Variants in BDH2 observed in about 807,000 individuals in gnomAD.
BDH2 encodes dehydrogenase/reductase SDR family member 6.
In BDH2, 24 loss-of-function variants were observed where a neutral mutation model predicts 33.2. The ratio of observed to expected loss-of-function variants is 0.72; its 90% CI spans 0.52 to 1.02. BDH2 has a LOEUF of 1.02. Among genes scored for constraint, BDH2 ranks in the 50% least tolerant of loss-of-function variants. The pLI is 0.00. For missense variants in BDH2, 249 were observed against 301.6 expected (o/e 0.83, Z 1.29); for synonymous variants, 81 against 101.6 (o/e 0.80, Z 1.22).
intron 3 of BDH2, among the ~76,000 whole-genome samples, 196 bp from the exon 4 acceptor site, chr4:103,092,892 C>T (rs928383249): frequency 1.3e-5 from 2 of 152,088 alleles, no homozygotes; most frequent in Admixed American, 1.3e-4. Flanking sequence ...CTCCAATAAC[C>T]CATCCGTCCC....
intron 7 of BDH2, 47 bp from the exon 8 acceptor site, chr4:103,082,976 A>C: frequency 6.7e-7 from 1 of 1,490,924 alleles, no homozygotes; most frequent in Admixed American, 1.7e-5. Flanking sequence ...TTTCACTGAA[A>C]AAGAAATCGA....
Position 103,096,272 on chromosome 4 carries a change from A to C in BDH2, c.-18T>G. The C allele has an allele frequency of 1.2e-6, 2 of 1,606,650 alleles. No individual in the cohort carries two copies. The highest frequency in any genetic ancestry group is 2.2e-5 in the South Asian group (2 of 90,726). On this transcript the variant is annotated splice_region_variant and 5_prime_UTR_variant, in exon 2 of 10. The change creates a new upstream start codon in the 5' untranslated region. Coordinates refer to ENST00000296424, the MANE Select transcript of BDH2 (RefSeq NM_020139.4). ...CGACCCATAATGGAACCTGTGGTTT[A>C]ATCTAAAGACATGTGTGTTTAATGG...
chr4:103,086,868 A>T (rs1375241396), intron 5 of BDH2, among the ~76,000 whole-genome samples: 1 of 152,200 alleles, frequency 6.6e-6, no homozygotes, highest in Non-Finnish European at 1.5e-5. Context: ...TGTGTTACTG[A>T]TGTTGGGAAA....
At chr4:103,086,148 G>A (rs1747768905) in intron 6 of BDH2, 1 of 1,107,980 alleles carries the variant, frequency 9.0e-7, no homozygotes, top group Non-Finnish European at 1.1e-6. Flanking sequence ...ATTCTTTTAT[G>A]GCCAGAGCAC....
At chr4:103,080,818 A>C (rs3796983) in intron 9 of BDH2, among the ~76,000 whole-genome samples, 36,210 of 152,194 alleles carry the variant, frequency 0.24, 4,633 homozygotes, top group Middle Eastern at 0.35. Context: ...CAAATGAGCT[A>C]TTCTGAAGAT....
chr4:103,088,350 AGTC>A (rs1415548927), intron 5 of BDH2, among the ~76,000 whole-genome samples: 1 of 152,252 alleles, frequency 6.6e-6, no homozygotes, highest in Admixed American at 6.5e-5. Flanking sequence ...TTCAATCTCT[AGTC>A]CTCTCTAGAA....
At chr4:103,084,851 C>G (rs912526029) in intron 7 of BDH2, among the ~76,000 whole-genome samples, 1 of 152,134 alleles carries the variant, frequency 6.6e-6, no homozygotes, top group African/African-American at 2.4e-5. Flanking sequence ...TCCCTAAATT[C>G]TGGCATGCCC....
At chr4:103,091,857 C>A (rs963789625) in intron 4 of BDH2, 2 of 431,162 alleles carry the variant, frequency 4.6e-6, no homozygotes, top group African/African-American at 4.1e-5. Flanking sequence ...CAAGGGAAAT[C>A]AAAATTGCAA....
chr4:103,091,114 C>A (rs1748061335), intron 5 of BDH2, 63 bp downstream of exon 5: 2 of 979,482 alleles, frequency 2.0e-6, no homozygotes, highest in Non-Finnish European at 3.2e-6. Context: ...GGAATCCCTT[C>A]TGTGTGCCCA....
chr4:103,082,529 T>A (rs1457819940), intron 8 of BDH2, among the ~76,000 whole-genome samples: 1 of 152,154 alleles, frequency 6.6e-6, no homozygotes, highest in East Asian at 1.9e-4. Context: ...ATCACCACTG[T>A]CCATCTCCAG....
chr4:103,092,308 A>G, intron 4 of BDH2: 1 of 321,714 alleles, frequency 3.1e-6, no homozygotes, highest in Non-Finnish European at 5.7e-6. Context: ...ATAGATGATC[A>G]GAAATTATTG....
rs928423976 is a variant in BDH2, at chr4:103,086,057, C to T, written c.418+423G>A. On this transcript the variant is annotated intron_variant, in intron 6 of 9. Transcript: ENST00000296424. ...CAGTTATTTCCCTGTATTTTGACAG[C>T]GCTTTGTACAAACCTCTGTTATATA... 22 of 1,143,486 alleles carry T rather than the reference C, an allele frequency of 1.9e-5. No individual in the cohort carries two copies. In the East Asian group the frequency reaches 2.6e-4, roughly 14 times the overall value. The allele number at this position is 1,143,486 out of a possible 1,614,324, so 70.8% of individuals were successfully genotyped here. A position where few individuals can be genotyped will look rare whatever the true frequency, so the allele number is the denominator to read the frequency against.
rs114186764 is a variant in BDH2, at chr4:103,095,124, T to G, written c.151+79A>C. 3.1e-4 allele frequency: 360 copies of G among 1,143,694 alleles called. No individual in the cohort carries two copies. In the African/African-American group the frequency reaches 5.1e-3, roughly 16 times the overall value. The allele number at this position is 1,143,694 out of a possible 1,614,324, so 70.8% of individuals were successfully genotyped here. On this transcript the variant is annotated intron_variant, in intron 3 of 9. Transcript: ENST00000296424. ...AGTGGAGCTCAGTAGCTAGGGAATT[T>G]TCTTTCAACATGTGAGCGCCATGCT...
intron 1 of BDH2, chr4:103,099,410 T>C (rs1748547339): frequency 6.6e-6 from 1 of 152,158 alleles, no homozygotes; most frequent in African/African-American, 2.4e-5. Flanking sequence ...CCTGAAATGG[T>C]AAAACAAGGC....
intron 5 of BDH2, among the ~76,000 whole-genome samples, chr4:103,089,235 T>C (rs1276440539): frequency 6.6e-6 from 1 of 152,228 alleles, no homozygotes; most frequent in African/African-American, 2.4e-5. Context: ...TAGATAATTA[T>C]GGCTGGAAGT....
intron 7 of BDH2, among the ~76,000 whole-genome samples, chr4:103,084,360 G>A (rs1043324715): frequency 6.6e-6 from 1 of 152,062 alleles, no homozygotes. Flanking sequence ...GTCTACACAA[G>A]TCTGGCTGGA....
intron 1 of BDH2, among the ~76,000 whole-genome samples, chr4:103,097,391 T>A (rs889102592): frequency 6.6e-6 from 1 of 152,180 alleles, no homozygotes; most frequent in Non-Finnish European, 1.5e-5. Context: ...GTGCTTGGAT[T>A]ATAGATCACA....
At chr4:103,088,009 A>G (rs1460863374) in intron 5 of BDH2, among the ~76,000 whole-genome samples, 1 of 152,200 alleles carries the variant, frequency 6.6e-6, no homozygotes, top group East Asian at 1.9e-4. Context: ...ATTGCCCCTA[A>G]AAACAGAATC....
intron 1 of BDH2, chr4:103,097,512 T>C (rs1686500595): frequency 6.6e-6 from 1 of 152,228 alleles, no homozygotes; most frequent in Non-Finnish European, 1.5e-5. Context: ...GCTCTGTCAT[T>C]AATGTGTGCC....
Sources: gnomAD v4.1 joint callset for allele counts (sites outside exome capture counted in the v4.1 genomes callset) on GRCh38, gnomAD v4.1.1 for gene constraint, MANE v1.5 for transcripts, NCBI Gene and HGNC (gene_info 2026-07-23, HGNC 2026-07-21) for gene names.